Variants in R3HDM1 observed in about 807,000 individuals in gnomAD.
R3HDM1 encodes the protein R3H domain containing 1, also known as R3H domain-containing protein 1.
A neutral mutation model predicts 141.1 loss-of-function variants in R3HDM1; 46 were observed. That is an observed-to-expected ratio of 0.33 (90% CI 0.26 to 0.42). The LOEUF (loss-of-function observed/expected upper bound fraction) is 0.42, where lower values mean the gene tolerates loss of function less well. Among genes scored for constraint, R3HDM1 ranks in the 10% least tolerant of loss-of-function variants. The pLI, the probability that R3HDM1 is intolerant of heterozygous loss-of-function variation, is 1.00. For synonymous variants in R3HDM1, 435 were observed against 472.9 expected (o/e 0.92, Z 1.04); for missense variants, 1,184 against 1,368.3 (o/e 0.87, Z 2.12).
chr2:135,533,111 T>TA (rs766142778), intron 1 of R3HDM1, among the ~76,000 whole-genome samples: 1 of 152,166 alleles, frequency 6.6e-6, no homozygotes, highest in Non-Finnish European at 1.5e-5. Flanking sequence ...TTGACATAGA[T>TA]ACATTCAGGT....
intron 19 of R3HDM1, chr2:135,669,203 C>T (rs754562563): frequency 8.0e-5 from 79 of 985,070 alleles, no homozygotes; most frequent in Non-Finnish European, 8.4e-5. Context: ...ACGCATCTTG[C>T]GGGTAGTGGA....
chr2:135,648,089 A>T lies in R3HDM1; in HGVS notation c.1624-1813A>T, dbSNP rs184231627. Among the ~76,000 whole-genome samples, 7 of 152,314 alleles carry T rather than the reference A, an allele frequency of 4.6e-5. No homozygotes were observed. In the East Asian group the frequency reaches 1.4e-3, roughly 29 times the overall value. On this transcript the variant is annotated intron_variant, in intron 16 of 26. Transcript: ENST00000683871. ...TATCTGACTTAATAACACATCAAGT[A>T]GCTTGTTCTTGAGAGTTCTAAAGCT...
intron 7 of R3HDM1, among the ~76,000 whole-genome samples, chr2:135,623,451 G>A (rs539802017): frequency 6.6e-6 from 1 of 152,266 alleles, no homozygotes; most frequent in South Asian, 2.1e-4. Flanking sequence ...TAAGAGAGTT[G>A]TTTATCTCTT....
intron 1 of R3HDM1, among the ~76,000 whole-genome samples, chr2:135,535,499 AAAATAAAT>A (rs3050151): frequency 0.049 from 7,093 of 143,798 alleles, 217 homozygotes; most frequent in African/African-American, 0.07. Flanking sequence ...CTTTGTCTCA[AAAATAAAT>A]AAATAAATAA....
intron 1 of R3HDM1, among the ~76,000 whole-genome samples, chr2:135,593,202 G>A (rs1470359785): frequency 6.6e-6 from 1 of 152,060 alleles, no homozygotes; most frequent in Non-Finnish European, 1.5e-5. Context: ...TTACAGGCAC[G>A]AGCCACCACT....
chr2:135,584,122 G>A (rs1172471693), intron 1 of R3HDM1: 2 of 868,456 alleles, frequency 2.3e-6, no homozygotes, highest in Non-Finnish European at 2.8e-6. Context: ...GAGGTCAGAA[G>A]TTCAAGACCA....
chr2:135,563,772 G>A (rs914687496), intron 1 of R3HDM1, among the ~76,000 whole-genome samples: 1 of 152,112 alleles, frequency 6.6e-6, no homozygotes, highest in African/African-American at 2.4e-5. Flanking sequence ...TTCTATATGT[G>A]TTAGTCCATT....
chr2:135,608,652 A>G (rs1030806615), intron 3 of R3HDM1, among the ~76,000 whole-genome samples: 1 of 152,230 alleles, frequency 6.6e-6, no homozygotes, highest in Non-Finnish European at 1.5e-5. Flanking sequence ...ACATACTACC[A>G]GATATTTCAT....
intron 1 of R3HDM1, among the ~76,000 whole-genome samples, chr2:135,580,542 G>T (rs767568661): frequency 2.0e-5 from 3 of 152,066 alleles, no homozygotes; most frequent in African/African-American, 7.2e-5. Context: ...CTCCCTTAGA[G>T]GACTCATCCA....
At chr2:135,708,747 G>A (rs2075249326) in intron 21 of R3HDM1, among the ~76,000 whole-genome samples, 1 of 152,008 alleles carries the variant, frequency 6.6e-6, no homozygotes, top group African/African-American at 2.4e-5. Flanking sequence ...ATCACTTGAG[G>A]TCACGAGTTC....
chr2:135,667,667 T>G (rs1302777648), intron 19 of R3HDM1: 9 of 977,716 alleles, frequency 9.2e-6, no homozygotes, highest in Non-Finnish European at 9.7e-6. Context: ...CTGGAAATAC[T>G]CTTCTTGTAG....
intron 21 of R3HDM1, among the ~76,000 whole-genome samples, chr2:135,698,238 C>T (rs924840440): frequency 6.7e-6 from 1 of 149,974 alleles, no homozygotes; most frequent in Non-Finnish European, 1.5e-5. Flanking sequence ...CGGCTCAGTA[C>T]AAGCTCCGCC....
intron 1 of R3HDM1, among the ~76,000 whole-genome samples, chr2:135,556,620 G>A (rs979796520): frequency 2.0e-5 from 3 of 151,350 alleles, no homozygotes; most frequent in South Asian, 2.1e-4. Context: ...CCGGGTTCAC[G>A]CCATTCTCCT....
At chr2:135,688,097 T>C (rs949094734) in intron 21 of R3HDM1, among the ~76,000 whole-genome samples, 1 of 152,262 alleles carries the variant, frequency 6.6e-6, no homozygotes, top group Non-Finnish European at 1.5e-5. Context: ...ACAAGGCACA[T>C]GCTGCCTCCC....
At chr2:135,598,913 A>G (rs968013342) in intron 1 of R3HDM1, among the ~76,000 whole-genome samples, 1 of 152,066 alleles carries the variant, frequency 6.6e-6, no homozygotes, top group African/African-American at 2.4e-5. Context: ...GTTCATATGT[A>G]TCATCTGCCT....
chr2:135,599,591 A>C (rs909756892), intron 1 of R3HDM1, among the ~76,000 whole-genome samples: 1 of 152,164 alleles, frequency 6.6e-6, no homozygotes, highest in South Asian at 2.1e-4. Flanking sequence ...CTTGACACCC[A>C]CGTGCCCACA....
chr2:135,640,447 A>G lies in R3HDM1; in HGVS notation c.1220-1089A>G, dbSNP rs76711662. ...TATGTATCATGAGAAAATTATGTAG[A>G]CACACTGCCAAATTAAAACATTTTA... On this transcript the variant is annotated intron_variant, in intron 14 of 26. Coordinates refer to ENST00000683871, the MANE Select transcript of R3HDM1 (RefSeq NM_001378107.1). Among the ~76,000 whole-genome samples the G allele has an allele frequency of 1.9e-3, 296 of 152,324 alleles. 1 individual carries two copies. Among genetic ancestry groups the G allele is most frequent in the African/African-American group, 7.0e-3 (289 of 41,578 alleles).
chr2:135,608,192 T>C (rs1019551541), intron 3 of R3HDM1, among the ~76,000 whole-genome samples: 1 of 152,098 alleles, frequency 6.6e-6, no homozygotes, highest in African/African-American at 2.4e-5. Flanking sequence ...GGCGCACGCC[T>C]GTAATCCCAG....
chr2:135,647,973 T>C (rs768501428), intron 16 of R3HDM1, among the ~76,000 whole-genome samples: 9 of 152,204 alleles, frequency 5.9e-5, no homozygotes, highest in Non-Finnish European at 1.0e-4. Flanking sequence ...TTGGTGCTCA[T>C]AGTACTTTCC....
Sources: gnomAD v4.1 joint callset for allele counts (sites outside exome capture counted in the v4.1 genomes callset) on GRCh38, gnomAD v4.1.1 for gene constraint, MANE v1.5 for transcripts, NCBI Gene and HGNC (gene_info 2026-07-23, HGNC 2026-07-21) for gene names.